The following EPHA5 variants were observed in gnomAD, a reference collection of about 807,000 sequenced individuals.
EPHA5 encodes the protein EPH receptor A5.
EPHA5 carries 60 observed loss-of-function variants against 105.0 expected under a neutral mutation model. The ratio of observed to expected loss-of-function variants is 0.57; its 90% confidence interval spans 0.46 to 0.71. EPHA5 has a LOEUF of 0.71. EPHA5 is among the 30% of genes least tolerant of loss of function. The pLI, the probability that EPHA5 is intolerant of heterozygous loss-of-function variation, is 0.00. For missense variants in EPHA5, 1,218 were observed against 1,274.7 expected (o/e 0.96, Z 0.68); for synonymous variants, 513 against 449.1 (o/e 1.14, Z -1.80).
At chr4:65,575,657 G>A (rs538734436) in intron 3 of EPHA5, among the ~76,000 whole-genome samples, 2 of 152,100 alleles carry the variant, frequency 1.3e-5, no homozygotes, top group African/African-American at 2.4e-5. Context: ...TCATTCTAAG[G>A]TAGTGAGAAC....
intron 8 of EPHA5, among the ~76,000 whole-genome samples, chr4:65,389,532 A>T (rs1720493586): frequency 6.6e-6 from 1 of 152,082 alleles, no homozygotes; most frequent in African/African-American, 2.4e-5. Flanking sequence ...GAATTAAATG[A>T]TTAAATAATC....
intron 3 of EPHA5, among the ~76,000 whole-genome samples, chr4:65,565,731 A>G (rs145371583): frequency 6.6e-6 from 1 of 151,772 alleles, no homozygotes; most frequent in East Asian, 1.9e-4. Flanking sequence ...AGGATGCCAA[A>G]CTCTAGCTAA....
chr4:65,348,808 TA>T (rs1389977800), intron 13 of EPHA5, among the ~76,000 whole-genome samples: 5 of 67,058 alleles, frequency 7.5e-5, no homozygotes, highest in East Asian at 9.4e-4. Context: ...TATATATATA[TA>T]TATATATTTT....
At chr4:65,514,722 AAAATGCTCGTCATC>A (rs1315128369) in intron 3 of EPHA5, among the ~76,000 whole-genome samples, 1 of 152,124 alleles carries the variant, frequency 6.6e-6, no homozygotes, top group African/African-American at 2.4e-5. Context: ...TTTTCTCCCT[AAAATGCTCGTCATC>A]AAATCTCATG....
intron 2 of EPHA5, among the ~76,000 whole-genome samples, chr4:65,622,338 C>G (rs912565465): frequency 6.6e-6 from 1 of 151,876 alleles, no homozygotes; most frequent in Non-Finnish European, 1.5e-5. Context: ...TCTTGAAAAA[C>G]AGTTACACTT....
At chr4:65,489,856 T>C (rs940012110) in intron 5 of EPHA5, among the ~76,000 whole-genome samples, 1 of 152,168 alleles carries the variant, frequency 6.6e-6, no homozygotes, top group Non-Finnish European at 1.5e-5. Flanking sequence ...CTAATTTTGA[T>C]AAATAAACTT....
At chr4:65,398,755 T>C (rs965160020) in intron 8 of EPHA5, among the ~76,000 whole-genome samples, 2 of 152,144 alleles carry the variant, frequency 1.3e-5, no homozygotes, top group Admixed American at 6.5e-5. Flanking sequence ...TGGGACAACA[T>C]GCCTGCAGAT....
At chr4:65,384,668 G>GA (rs1719908072) in intron 8 of EPHA5, among the ~76,000 whole-genome samples, 1 of 151,818 alleles carries the variant, frequency 6.6e-6, no homozygotes, top group Non-Finnish European at 1.5e-5. Flanking sequence ...GTAAGCTGTG[G>GA]AAAAAATACT....
chr4:65,495,575 C>A (rs2149227047), intron 3 of EPHA5, 32 bp from the exon 4 acceptor site: 2 of 1,579,542 alleles, frequency 1.3e-6, no homozygotes, highest in Middle Eastern at 1.7e-4. Context: ...TAAGCTTTTC[C>A]CTGGAACAGA....
intron 5 of EPHA5, among the ~76,000 whole-genome samples, chr4:65,476,072 G>A (rs1303657550): frequency 6.7e-6 from 1 of 149,600 alleles, no homozygotes; most frequent in African/African-American, 2.5e-5. Flanking sequence ...CAGAATGTCA[G>A]ACAAACACTC....
At chr4:65,367,496 A>T (rs1490354676) in intron 8 of EPHA5, 72 bp from the exon 9 acceptor site, 6 of 1,391,780 alleles carry the variant, frequency 4.3e-6, no homozygotes, top group Non-Finnish European at 6.1e-6. Flanking sequence ...CAGAAGCATG[A>T]AGCACAACTG....
At chr4:65,401,073 A>G (rs1244424819) in intron 8 of EPHA5, among the ~76,000 whole-genome samples, 3 of 151,582 alleles carry the variant, frequency 2.0e-5, no homozygotes, top group Admixed American at 6.6e-5. Context: ...AGAGAGAGAG[A>G]AAGAAAAAAA....
intron 3 of EPHA5, among the ~76,000 whole-genome samples, chr4:65,547,847 C>T (rs1737532205): frequency 1.3e-5 from 2 of 151,966 alleles, no homozygotes; most frequent in African/African-American, 4.8e-5. Flanking sequence ...TGAAAGGCTG[C>T]AGTCTAGATA....
chr4:65,339,770 T>C (rs1193629838), intron 14 of EPHA5, among the ~76,000 whole-genome samples: 1 of 152,020 alleles, frequency 6.6e-6, no homozygotes, highest in East Asian at 1.9e-4. Flanking sequence ...CACCATCCCT[T>C]TGCAGGACAC....
rs1376806422 is a variant in EPHA5, at chr4:65,414,549, C to T, written c.1528-106G>A. 8.4e-6 allele frequency: 10 copies of T among 1,184,438 alleles called. No homozygotes were observed. In the African/African-American group the frequency reaches 1.5e-4, roughly 18 times the overall value. 73.4% of individuals were successfully genotyped at this position (1,184,438 alleles called of 1,614,324 possible). Reference sequence around the variant, plus strand: ...AAAATGAATCAGAAACCAAAGGACTCTATTAGTACAAATATAACATTTTAG... The same window carrying T: ...AAAATGAATCAGAAACCAAAGGACTTTATTAGTACAAATATAACATTTTAG... On this transcript the variant is annotated intron_variant, in intron 6 of 16. Coordinates refer to ENST00000613740, the MANE Select transcript of EPHA5 (RefSeq NM_001281766.3).
At chr4:65,592,018 A>T (rs1742710996) in intron 3 of EPHA5, among the ~76,000 whole-genome samples, 1 of 151,938 alleles carries the variant, frequency 6.6e-6, no homozygotes, top group East Asian at 1.9e-4. Context: ...GTCCACAGTA[A>T]TTTTTTTTAA....
chr4:65,363,451 G>T (rs1035235924), intron 11 of EPHA5, among the ~76,000 whole-genome samples: 2 of 151,346 alleles, frequency 1.3e-5, no homozygotes, highest in African/African-American at 4.8e-5. Flanking sequence ...TATGTAACGT[G>T]GTCTTCCATG....
chr4:65,632,469 A>G (rs1418785393), intron 2 of EPHA5, among the ~76,000 whole-genome samples: 1 of 151,708 alleles, frequency 6.6e-6, no homozygotes, highest in Non-Finnish European at 1.5e-5. Flanking sequence ...GCTTAGTACA[A>G]TACAAAATAA....
chr4:65,623,655 C>T (rs1376368668), intron 2 of EPHA5, among the ~76,000 whole-genome samples: 1 of 152,060 alleles, frequency 6.6e-6, no homozygotes, highest in Non-Finnish European at 1.5e-5. Context: ...AAAGCCACTG[C>T]ACAAAGACTG....
Sources: allele counts gnomAD v4.1 joint callset (sites outside exome capture counted in the v4.1 genomes callset), GRCh38; gene constraint gnomAD v4.1.1; transcripts MANE v1.5; gene names NCBI Gene and HGNC (gene_info 2026-07-23, HGNC 2026-07-21).